The following INTS11 variants were observed in gnomAD, a reference collection of about 807,000 sequenced individuals.
The protein encoded by INTS11 is CPSF3-like protein.
Under a neutral mutation model 78.6 loss-of-function variants are expected in INTS11, and 77 were observed. The ratio of observed to expected loss-of-function variants is 0.98; its 90% CI spans 0.81 to 1.18. The LOEUF (loss-of-function observed/expected upper bound fraction) is 1.18, where lower values mean the gene tolerates loss of function less well. Among genes scored for constraint, INTS11 ranks in the 50% most tolerant of loss-of-function variants. The pLI is 0.00. For missense variants in INTS11, 875 were observed against 825.9 expected (o/e 1.06, Z -0.73); for synonymous variants, 441 against 326.9 (o/e 1.35, Z -3.77).
intron 1 of INTS11, chr1:1,323,394 T>C: frequency 7.9e-7 from 1 of 1,263,648 alleles, no homozygotes; most frequent in Non-Finnish European, 1.1e-6. Context: ...CTTCACATCG[T>C]TCTATACTGT....
In INTS11 at chr1:1,314,048, C is replaced by A. The variant is rs1451141487; in HGVS notation, c.768-127G>T. ...GCACGGGCCAGGTTGAGTCCAGTCG[C>A]GACCACTTGTCCCATTAAGCCCTGC... is the stretch of plus-strand genomic sequence containing the variant. On this transcript the variant is annotated intron_variant, in intron 8 of 16. Transcript: ENST00000435064. The surrounding 1 kb of genome is among the most constrained non-coding windows in gnomAD (Gnocchi z 4.2). 4 of 976,718 alleles carry A rather than the reference C, an allele frequency of 4.1e-6. No homozygotes were observed. Among genetic ancestry groups the A allele is most frequent in the African/African-American group, 3.2e-5 (2 of 61,826 alleles). 60.5% of individuals were successfully genotyped at this position (976,718 alleles called of 1,614,324 possible). A position where few individuals can be genotyped will look rare whatever the true frequency, so the allele number is the denominator to read the frequency against.
chr1:1,321,323 C>T (rs905245662), intron 1 of INTS11, among the ~76,000 whole-genome samples: 1 of 152,220 alleles, frequency 6.6e-6, no homozygotes, highest in Non-Finnish European at 1.5e-5. Flanking sequence ...ACGCCCTCCC[C>T]CGCCAGCTTC....
intron 4 of INTS11, chr1:1,316,334 AT>A (rs778877614): frequency 1.3e-5 from 2 of 152,692 alleles, no homozygotes; most frequent in Non-Finnish European, 1.5e-5. Flanking sequence ...CACACCTTTA[AT>A]CCCAGCACTT....
intron 10 of INTS11, 120 bp from the exon 11 acceptor site, chr1:1,313,244 CA>C (rs758953398): frequency 2.9e-4 from 342 of 1,187,020 alleles, no homozygotes; most frequent in Middle Eastern, 4.7e-4. Context: ...GGCGCCCGAC[CA>C]AGCCTAGCTG....
intron 10 of INTS11, 42 bp downstream of exon 10, chr1:1,313,467 G>C: frequency 6.2e-7 from 1 of 1,605,274 alleles, no homozygotes; most frequent in Non-Finnish European, 8.5e-7. Context: ...ACAACCCGTC[G>C]GCCTCCAGCT....
In INTS11 at chr1:1,315,374, C is replaced by A. The variant is rs370437646; in HGVS notation, c.563+30G>T. The A allele has an allele frequency of 2.5e-6, 4 of 1,612,840 alleles. No individual in the cohort carries two copies. The Admixed American group carries it at 6.7e-5, about 27-fold the overall frequency. The stretch of plus-strand genomic sequence containing the variant: ...GGGTCCTGAGCTCCAGGGGGGCCCA[C>A]GGGACAAAAAGACACCTCAGCCTAC... On this transcript the variant is annotated intron_variant, in intron 6 of 16. Transcript: ENST00000435064.
In INTS11 at chr1:1,313,883, G is replaced by A. The variant is rs373444911; in HGVS notation, c.806C>T (p.Thr269Met). 39 of 1,613,086 alleles carry A rather than the reference G, an allele frequency of 2.4e-5. No homozygotes were observed. Among genetic ancestry groups the A allele is most frequent in the South Asian group, 7.7e-5 (7 of 91,082 alleles). Residue 269 changes from threonine to methionine, a missense_variant, in exon 9 of 17, where the codon ACG (threonine) becomes ATG (methionine). Transcript: ENST00000435064. ...MNLKVPIYFSTGLTEKANHYY... is the reference protein window; with the variant it reads ...MNLKVPIYFSMGLTEKANHYY... Reference sequence around the variant, plus strand: ...GTGGTTGGCCTTCTCGGTCAGCCCCGTGGAGAAGTAGATGGGCACCTTCAG... The same window carrying A: ...GTGGTTGGCCTTCTCGGTCAGCCCCATGGAGAAGTAGATGGGCACCTTCAG...
chr1:1,315,001 G>A (rs1252732332), intron 6 of INTS11, 39 bp from the exon 7 acceptor site: 2 of 1,597,400 alleles, frequency 1.3e-6, no homozygotes, highest in African/African-American at 2.7e-5. Context: ...ACGATGCACT[G>A]TCCCCACGGT....
intron 12 of INTS11, 21 bp from the exon 13 acceptor site, chr1:1,312,721 G>A (rs369604935): frequency 1.2e-5 from 19 of 1,589,468 alleles, no homozygotes; most frequent in African/African-American, 1.1e-4. Context: ...GGGGAAGAGA[G>A]AGCCTCAGCC....
At chr1:1,313,954 C>T in intron 8 of INTS11, 33 bp from the exon 9 acceptor site, 1 of 1,598,266 alleles carries the variant, frequency 6.3e-7, no homozygotes, top group Non-Finnish European at 8.6e-7. Context: ...GCACAGTGGC[C>T]ACAGGGGAGA....
chr1:1,316,438 A>G (rs1173362582), intron 4 of INTS11: 1 of 152,166 alleles, frequency 6.6e-6, no homozygotes, highest in East Asian at 1.9e-4. Flanking sequence ...AAAATACAAA[A>G]GTTAGCTGGG....
Position 1,312,118 on chromosome 1 carries a change from A to C in INTS11, c.1637T>G (p.Leu546Arg). ...SVLKDHCVQH[L>R]PDGSVTVESV... Reference sequence around the variant, plus strand: ...CTCCACAGTCACAGAGCCGTCTGGGAGGTGCTGCACACAGTGGTCCTTCAG... The same window carrying C: ...CTCCACAGTCACAGAGCCGTCTGGGCGGTGCTGCACACAGTGGTCCTTCAG... The change falls in exon 16 of 17, where the codon CTC (leucine) becomes CGC (arginine). Residue 546 changes from leucine to arginine, a missense_variant. Leu to Arg is a moderately radical substitution (Grantham distance 102, BLOSUM62 -2). Transcript: ENST00000435064. 6.4e-7 allele frequency: 1 copy of C among 1,557,750 alleles called. No homozygotes were observed. Among genetic ancestry groups the C allele is most frequent in the Non-Finnish European group, 8.6e-7 (1 of 1,156,386 alleles).
chr1:1,312,125 GCA>G lies in INTS11; in HGVS notation c.1628_1629del (p.Val543AlafsTer22), dbSNP rs751486747. 1.3e-6 allele frequency: 2 copies of G among 1,566,568 alleles called. No individual in the cohort carries two copies. The highest frequency in any genetic ancestry group is 2.3e-5 in the East Asian group (1 of 42,992). On this transcript the variant is annotated frameshift_variant, in exon 16 of 17. Transcript: ENST00000435064. LOFTEE classifies it high-confidence loss of function. ...HLKSVLKDHCVQHLPDGSVTV... is the reference protein window; with the variant it reads ...HLKSVLKDHCXQHLPDGSVTV... ...GTCACAGAGCCGTCTGGGAGGTGCT[GCA>G]CACAGTGGTCCTTCAGGACGCTGTG...
chr1:1,321,113 T>TGAGTCACTGCTGC lies in INTS11; in HGVS notation c.29-33_29-21dup, dbSNP rs1176424754. 1 of 1,589,764 alleles carries TGAGTCACTGCTGC rather than the reference T, an allele frequency of 6.3e-7. No individual in the cohort carries two copies. The highest frequency in any genetic ancestry group is 1.7e-5 in the Admixed American group (1 of 59,574). On this transcript the variant is annotated intron_variant, in intron 1 of 16. Coordinates refer to ENST00000435064, the MANE Select transcript of INTS11 (RefSeq NM_017871.6). ...CGGCCCCTACTCGAGGGAGGGCAGA[T>TGAGTCACTGCTGC]GAGTCACTGCTGCGCCCCCCGCCCC... is the stretch of plus-strand genomic sequence containing the variant.
At chr1:1,322,868 A>C in intron 1 of INTS11, 1 of 1,172,496 alleles carries the variant, frequency 8.5e-7, no homozygotes, top group Non-Finnish European at 1.1e-6. Flanking sequence ...AAGCGGTGAA[A>C]CAGGACTTCG....
At chr1:1,313,698 TG>T in intron 9 of INTS11, 33 bp downstream of exon 9, 1 of 1,610,132 alleles carries the variant, frequency 6.2e-7, no homozygotes, top group Non-Finnish European at 8.5e-7. Context: ...CCGACGGGTG[TG>T]GATGTGCTGG....
At chr1:1,322,405 GACAA>G (rs1179634614) in intron 1 of INTS11, among the ~76,000 whole-genome samples, 3 of 149,782 alleles carry the variant, frequency 2.0e-5, no homozygotes, top group African/African-American at 7.4e-5. Flanking sequence ...ACAGACGGCA[GACAA>G]ACAAGACACC....
At position 1,320,526 on chromosome 1, in the gene INTS11, G is replaced by T; in HGVS notation, c.130C>A (p.Arg44Ser). Residue 44 changes from arginine (R) to serine (S), a missense_variant, in exon 3 of 17, where the codon CGC becomes AGC. Coordinates refer to ENST00000435064, the MANE Select transcript of INTS11 (RefSeq NM_017871.6). The part of the protein sequence containing the change: ...GMHMGFNDDR[R>S]FPDFSYITQN... ...GTGATGTAGGAGAAGTCAGGGAAGCGTCGCTAGGAAGGATGTGGGGGTTTC... is the reference window on the plus strand; with the variant it reads ...GTGATGTAGGAGAAGTCAGGGAAGCTTCGCTAGGAAGGATGTGGGGGTTTC... 6.2e-7 allele frequency: 1 copy of T among 1,613,872 alleles called. No individual in the cohort carries two copies. The highest frequency in any genetic ancestry group is 8.5e-7 in the Non-Finnish European group (1 of 1,179,916).
rs370035327 is a variant in INTS11, at chr1:1,315,612, C to T, written c.436G>A (p.Asp146Asn). 2.3e-5 allele frequency: 37 copies of T among 1,604,096 alleles called. No homozygotes were observed. The highest frequency in any genetic ancestry group is 6.6e-5 in the South Asian group (6 of 90,826). ...VHLHQTVQVD[D>N]ELEIKAYYAG... ...TAGTAGGCCTTGATCTCCAGCTCAT[C>T]ATCTACCTGTGGAGGACAGGGCTGC... The change falls in exon 5 of 17, where the codon GAT (aspartate) becomes AAT (asparagine). Residue 146 changes from aspartate to asparagine, a missense_variant. Coordinates refer to ENST00000435064, the MANE Select transcript of INTS11 (RefSeq NM_017871.6).
Sources: gnomAD v4.1 joint callset for allele counts (sites outside exome capture counted in the v4.1 genomes callset) on GRCh38, gnomAD v4.1.1 for gene constraint, Gnocchi (gnomAD v3.1) non-coding constraint, MANE v1.5 for transcripts, NCBI Gene and HGNC (gene_info 2026-07-23, HGNC 2026-07-21) for gene names.